Variants in RPL11 observed in about 807,000 individuals in gnomAD.
RPL11 encodes ribosomal protein L11, also known as large ribosomal subunit protein uL5.
RPL11 carries 3 observed loss-of-function variants against 24.1 expected under a neutral mutation model. The observed-to-expected ratio is 0.12, with a 90% CI of 0.06 to 0.32. The LOEUF (loss-of-function observed/expected upper bound fraction) is 0.32, where lower values mean the gene tolerates loss of function less well. RPL11 is among the 10% of genes least tolerant of loss of function. RPL11 has a pLI of 1.00. For synonymous variants in RPL11, 96 were observed against 75.7 expected, an observed-to-expected ratio of 1.27 and a Z score of -1.39; for missense variants, 146 against 225.7, an observed-to-expected ratio of 0.65 and a Z score of 2.26.
chr1:23,691,808 C>T lies in RPL11; in HGVS notation c.-16C>T, dbSNP rs369231011. The stretch of plus-strand genomic sequence containing the variant: ...CCCTCGGCCGGAAGCTCCGCTTTCT[C>T]TTCCTGCTCTCCATCATGGCGGTGA... On this transcript the variant is annotated 5_prime_UTR_variant, in exon 1 of 6. Coordinates refer to ENST00000643754, the MANE Select transcript of RPL11 (RefSeq NM_000975.5). The T allele has an allele frequency of 4.0e-5, 64 of 1,614,136 alleles. No individual in the cohort carries two copies. The highest frequency in any genetic ancestry group is 1.6e-4 in the Middle Eastern group (1 of 6,084).
chr1:23,693,932 T>C lies in RPL11; in HGVS notation c.264+19T>C, dbSNP rs368030510. 6.5e-7 allele frequency: 1 copy of C among 1,547,728 alleles called. No homozygotes were observed. The highest frequency in any genetic ancestry group is 8.9e-7 in the Non-Finnish European group (1 of 1,119,592). ...TCTAAAGGTGAGCCTAATCCCCTAA[T>C]GGAGTGATATTGATCAGCACTCCTT... On this transcript the variant is annotated intron_variant, in intron 3 of 5. Transcript: ENST00000643754.
At chr1:23,694,632 A>G in intron 3 of RPL11, 28 bp from the exon 4 acceptor site, 1 of 1,613,462 alleles carries the variant, frequency 6.2e-7, no homozygotes, top group South Asian at 1.1e-5. Flanking sequence ...GATGACAAGG[A>G]ATGTTATTGC....
intron 1 of RPL11, 165 bp from the exon 2 acceptor site, chr1:23,692,444 C>T (rs918909078): frequency 8.9e-6 from 7 of 786,594 alleles, no homozygotes; most frequent in Non-Finnish European, 1.4e-5. Context: ...AGGTTCCGAG[C>T]TGTCTTCTTC....
chr1:23,693,596 A>T (rs982356526), intron 2 of RPL11, among the ~76,000 whole-genome samples: 2 of 152,226 alleles, frequency 1.3e-5, no homozygotes, highest in Non-Finnish European at 2.9e-5. Context: ...TAACTGCTGA[A>T]GGATGGCTGG....
At chr1:23,695,315 A>G in intron 4 of RPL11, 1 of 272,360 alleles carries the variant, frequency 3.7e-6, no homozygotes. Flanking sequence ...GGAACCTGAA[A>G]GATGGTGGCA....
intron 4 of RPL11, chr1:23,695,049 A>T: frequency 3.8e-6 from 2 of 519,510 alleles, no homozygotes; most frequent in Non-Finnish European, 7.0e-6. Flanking sequence ...TTAAAGGTGG[A>T]TGAAGGAAAC....
At position 23,696,525 on chromosome 1, in the gene RPL11, A is replaced by G; in HGVS notation, c.*152A>G. On this transcript the variant is annotated 3_prime_UTR_variant, in exon 6 of 6. Transcript: ENST00000643754. Reference sequence around the variant, plus strand: ...GGGAGTAGCTGGTAACAACCCCGTCATCCTCTGATTGGATGCCAGTATTTC... The same window carrying G: ...GGGAGTAGCTGGTAACAACCCCGTCGTCCTCTGATTGGATGCCAGTATTTC... 1.4e-6 allele frequency: 1 copy of G among 736,024 alleles called. No individual in the cohort carries two copies. The highest frequency in any genetic ancestry group is 2.4e-6 in the Non-Finnish European group (1 of 413,058). 45.6% of individuals were successfully genotyped at this position (736,024 alleles called of 1,614,324 possible). A position where few individuals can be genotyped will look rare whatever the true frequency, so the allele number is the denominator to read the frequency against.
rs1644524308 is a variant in RPL11, at chr1:23,694,936, G to T, written c.396+145G>T. On this transcript the variant is annotated intron_variant, in intron 4 of 5. Coordinates refer to ENST00000643754, the MANE Select transcript of RPL11 (RefSeq NM_000975.5). ...GTTCTCCTCCCCCTTGGGGAAATGT[G>T]CCTCATTTGTGGCAAATGTAGGGGT... 3.0e-6 allele frequency: 4 copies of T among 1,316,584 alleles called. No individual in the cohort carries two copies. In the Admixed American group the frequency reaches 5.6e-5, roughly 18 times the overall value. 81.6% of individuals were successfully genotyped at this position (1,316,584 alleles called of 1,614,324 possible).
At chr1:23,694,402 C>T (rs1189574867) in intron 3 of RPL11, among the ~76,000 whole-genome samples, 1 of 151,592 alleles carries the variant, frequency 6.6e-6, no homozygotes, top group East Asian at 1.9e-4. Context: ...AAAAAGGATG[C>T]TTGGGAGTCA....
At chr1:23,695,010 G>GTT (rs1473906017) in intron 4 of RPL11, 5 of 653,310 alleles carry the variant, frequency 7.7e-6, no homozygotes, top group Non-Finnish European at 1.3e-5. Flanking sequence ...GGAACTTGCA[G>GTT]TCGAGGATCT....
In RPL11 at chr1:23,692,005, C is replaced by T. The variant is rs1644502835; in HGVS notation, c.6+176C>T. ...CGCAGGGTTGAATTCTGTCACTTTC[C>T]CTGCCATCGTTTTAGGAGCGGCTCC... On this transcript the variant is annotated intron_variant, in intron 1 of 5. Transcript: ENST00000643754. 13 of 873,408 alleles carry T rather than the reference C, an allele frequency of 1.5e-5. 1 individual carries two copies. The highest frequency in any genetic ancestry group is 1.1e-4 in the South Asian group (8 of 71,372). The allele number at this position is 873,408 out of a possible 1,614,324, so 54.1% of individuals were successfully genotyped here.
Position 23,692,916 on chromosome 1 carries a change from T to A in RPL11, c.157+157T>A, listed in dbSNP as rs558510831. On this transcript the variant is annotated intron_variant, in intron 2 of 5. Transcript: ENST00000643754. ...AAGAGGTGTCTTTTTTTTTTTTTTT[T>A]ATTCAAGATGGCGTGTGGGATTGGA... is the stretch of plus-strand genomic sequence containing the variant. Among the ~76,000 whole-genome samples the A allele has an allele frequency of 5.1e-4, 75 of 148,294 alleles. No individual in the cohort carries two copies. In the Middle Eastern group the frequency reaches 0.018, roughly 35 times the overall value.
At position 23,692,708 on chromosome 1, in the gene RPL11, G is replaced by A; in HGVS notation, c.106G>A (p.Ala36Thr). The A allele has an allele frequency of 6.2e-7, 1 of 1,614,096 alleles. No homozygotes were observed. The highest frequency in any genetic ancestry group is 8.5e-7 in the Non-Finnish European group (1 of 1,180,026). ...VGESGDRLTR[A>T]AKVLEQLTGQ... ...GGAGAGTGGAGACAGACTGACGCGA[G>A]CAGCCAAGGTGTTGGAGCAGCTCAC... The change falls in exon 2 of 6, where the codon GCA (alanine) becomes ACA (threonine). Residue 36 changes from alanine (A) to threonine (T), a missense_variant. Ala to Thr is a moderately conservative substitution (Grantham distance 58). Transcript: ENST00000643754.
Position 23,696,528 on chromosome 1 carries a change from C to G in RPL11, c.*155C>G. On this transcript the variant is annotated 3_prime_UTR_variant, in exon 6 of 6. Transcript: ENST00000643754. ...AGTAGCTGGTAACAACCCCGTCATCCTCTGATTGGATGCCAGTATTTCCTG... is the reference window on the plus strand; with the variant it reads ...AGTAGCTGGTAACAACCCCGTCATCGTCTGATTGGATGCCAGTATTTCCTG... 1 of 724,138 alleles carries G rather than the reference C, an allele frequency of 1.4e-6. No individual in the cohort carries two copies. The highest frequency in any genetic ancestry group is 2.7e-5 in the East Asian group (1 of 37,354). The allele number at this position is 724,138 out of a possible 1,614,324, so 44.9% of individuals were successfully genotyped here.
chr1:23,694,501 C>T (rs904467436), intron 3 of RPL11, among the ~76,000 whole-genome samples, 159 bp from the exon 4 acceptor site: 1 of 151,880 alleles, frequency 6.6e-6, no homozygotes, highest in East Asian at 1.9e-4. Context: ...AATCTATAGT[C>T]GAGGTATAGT....
chr1:23,691,836 A>C lies in RPL11; in HGVS notation c.6+7A>C. On this transcript the variant is annotated splice_region_variant and intron_variant, in intron 1 of 5. Coordinates refer to ENST00000643754, the MANE Select transcript of RPL11 (RefSeq NM_000975.5). Reference sequence around the variant, plus strand: ...CCTGCTCTCCATCATGGCGGTGAGTAGCTGGGACCTGGATTTGCTTTCCTT... The same window carrying C: ...CCTGCTCTCCATCATGGCGGTGAGTCGCTGGGACCTGGATTTGCTTTCCTT... 3 of 1,614,216 alleles carry C rather than the reference A, an allele frequency of 1.9e-6. No individual in the cohort carries two copies. Among genetic ancestry groups the C allele is most frequent in the Non-Finnish European group, 2.5e-6 (3 of 1,180,034 alleles).
Position 23,696,806 on chromosome 1 carries a change from T to A in RPL11, c.*433T>A. The A allele has an allele frequency of 4.1e-6, 1 of 241,070 alleles. No individual in the cohort carries two copies. The highest frequency in any genetic ancestry group is 8.2e-6 in the Non-Finnish European group (1 of 122,386). 14.9% of individuals were successfully genotyped at this position (241,070 alleles called of 1,614,324 possible). Reference sequence around the variant, plus strand: ...GAAGGAATGACAGGCTTTGGTGTGATGGTTGAGATTAAATTTAGACTTAAC... The same window carrying A: ...GAAGGAATGACAGGCTTTGGTGTGAAGGTTGAGATTAAATTTAGACTTAAC... On this transcript the variant is annotated 3_prime_UTR_variant, in exon 6 of 6. Transcript: ENST00000643754.
rs780630618 is a variant in RPL11 at position 23,691,849 on chromosome 1, A to G, written c.6+20A>G. The G allele has an allele frequency of 1.9e-6, 3 of 1,613,776 alleles. No individual in the cohort carries two copies. The highest frequency in any genetic ancestry group is 2.2e-5 in the East Asian group (1 of 44,880). ...ATGGCGGTGAGTAGCTGGGACCTGG[A>G]TTTGCTTTCCTTTATCCGTCGCCAT... On this transcript the variant is annotated intron_variant, in intron 1 of 5. Transcript: ENST00000643754.
At chr1:23,694,290 A>G (rs371778081) in intron 3 of RPL11, among the ~76,000 whole-genome samples, 3 of 151,994 alleles carry the variant, frequency 2.0e-5, no homozygotes, top group Non-Finnish European at 4.4e-5. Flanking sequence ...AGGCACGACA[A>G]TTGCTAGAAC....
Sources: gnomAD v4.1 joint callset for allele counts (sites outside exome capture counted in the v4.1 genomes callset) on GRCh38, gnomAD v4.1.1 for gene constraint, MANE v1.5 for transcripts, NCBI Gene and HGNC (gene_info 2026-07-23, HGNC 2026-07-21) for gene names.